The following CCBE1 variants were observed in gnomAD, a reference collection of about 807,000 sequenced individuals.
The protein encoded by CCBE1 is collagen and calcium-binding EGF domain-containing protein 1.
A neutral mutation model predicts 50.0 loss-of-function variants in CCBE1; 37 were observed. The ratio of observed to expected loss-of-function variants is 0.74; its 90% CI spans 0.57 to 0.97. CCBE1 has a LOEUF of 0.97. CCBE1 is among the 50% of genes least tolerant of loss of function. The pLI, the probability that CCBE1 is intolerant of heterozygous loss-of-function variation, is 0.00. For missense variants in CCBE1, 538 were observed against 523.8 expected (o/e 1.03, Z -0.26); for synonymous variants, 234 against 203.7 (o/e 1.15, Z -1.27).
intron 5 of CCBE1, chr18:59,465,819 T>G (rs1911715276): frequency 6.6e-6 from 1 of 152,170 alleles, no homozygotes; most frequent in African/African-American, 2.4e-5. Context: ...AACACAGCGT[T>G]TCTGACCTCT....
intron 2 of CCBE1, among the ~76,000 whole-genome samples, chr18:59,554,208 A>C (rs1193869929): frequency 1.3e-5 from 2 of 152,084 alleles, no homozygotes; most frequent in Admixed American, 1.3e-4. Flanking sequence ...ACTTGTCTTG[A>C]ACTCAAGCGA....
At chr18:59,440,525 T>C (rs1320224702) in intron 7 of CCBE1, among the ~76,000 whole-genome samples, 1 of 152,160 alleles carries the variant, frequency 6.6e-6, no homozygotes, top group Admixed American at 6.5e-5. Flanking sequence ...GATATTTCTA[T>C]AGGGATGACA....
intron 2 of CCBE1, among the ~76,000 whole-genome samples, chr18:59,690,729 T>C (rs2054718771): frequency 1.3e-5 from 2 of 152,218 alleles, no homozygotes; most frequent in Non-Finnish European, 2.9e-5. Flanking sequence ...AATTACTCCG[T>C]ATTGTTTCTC....
Position 59,697,319 on chromosome 18 carries a change from C to G in CCBE1, c.24G>C (p.Arg8=). Reference sequence around the variant, plus strand: ...CCAGCTGGCCCCTGGCAGCTCCTCCCCGGCTCGGAGGCGGCGGCACCATCA... The same window carrying G: ...CCAGCTGGCCCCTGGCAGCTCCTCCGCGGCTCGGAGGCGGCGGCACCATCA... MVPPPPS[R]GGAARGQLGR... is the part of the protein sequence containing the mutation. Residue 8 remains arginine, a synonymous_variant, in exon 1 of 11, where the codon CGG becomes CGC. Transcript: ENST00000439986. 6.5e-7 allele frequency: 1 copy of G among 1,548,654 alleles called. No homozygotes were observed. The highest frequency in any genetic ancestry group is 8.7e-7 in the Non-Finnish European group (1 of 1,146,890).
At chr18:59,541,705 G>T (rs771207658) in intron 2 of CCBE1, among the ~76,000 whole-genome samples, 6 of 152,152 alleles carry the variant, frequency 3.9e-5, no homozygotes, top group Admixed American at 1.3e-4. Context: ...GGCCATTGGA[G>T]GAAGAGTTGA....
At chr18:59,516,826 TC>T (rs1337545663) in intron 2 of CCBE1, among the ~76,000 whole-genome samples, 5 of 152,152 alleles carry the variant, frequency 3.3e-5, no homozygotes, top group African/African-American at 7.2e-5. Context: ...CAGGTGAGTG[TC>T]TGCAAGCTGT....
intron 2 of CCBE1, among the ~76,000 whole-genome samples, chr18:59,564,839 T>C (rs1215841788): frequency 6.6e-6 from 1 of 152,202 alleles, no homozygotes; most frequent in Non-Finnish European, 1.5e-5. Context: ...CTGGCCTTGG[T>C]CCATGGTGGT....
At chr18:59,494,917 G>A (rs1913276856) in intron 2 of CCBE1, among the ~76,000 whole-genome samples, 1 of 152,186 alleles carries the variant, frequency 6.6e-6, no homozygotes, top group South Asian at 2.1e-4. Flanking sequence ...ACTTTGGGAG[G>A]CCAAGGCAGG....
At chr18:59,496,673 A>G (rs905116778) in intron 2 of CCBE1, among the ~76,000 whole-genome samples, 1 of 152,208 alleles carries the variant, frequency 6.6e-6, no homozygotes, top group Non-Finnish European at 1.5e-5. Flanking sequence ...GTTTGTGATG[A>G]AGAACTCGGA....
intron 2 of CCBE1, among the ~76,000 whole-genome samples, chr18:59,482,748 G>A (rs17780227): frequency 0.063 from 9,492 of 151,834 alleles, 820 homozygotes; most frequent in East Asian, 0.33. Flanking sequence ...TCTCCTGCTC[G>A]CATTACTTTC....
chr18:59,614,075 G>A (rs1160077381), intron 2 of CCBE1, among the ~76,000 whole-genome samples: 1 of 152,064 alleles, frequency 6.6e-6, no homozygotes, highest in East Asian at 1.9e-4. Context: ...GTGCGATCTC[G>A]TCTAACTGCA....
intron 2 of CCBE1, among the ~76,000 whole-genome samples, chr18:59,551,236 A>G (rs978925372): frequency 4.6e-5 from 7 of 152,116 alleles, no homozygotes; most frequent in Admixed American, 3.9e-4. Flanking sequence ...ACAACACGTG[A>G]TAATAAATAC....
chr18:59,632,083 G>A (rs1315634776), intron 2 of CCBE1, among the ~76,000 whole-genome samples: 2 of 152,146 alleles, frequency 1.3e-5, no homozygotes, highest in Non-Finnish European at 2.9e-5. Context: ...AAATAACTAA[G>A]CATTGAATTT....
chr18:59,664,443 G>A (rs924791190), intron 2 of CCBE1, among the ~76,000 whole-genome samples: 3 of 152,100 alleles, frequency 2.0e-5, no homozygotes, highest in African/African-American at 7.2e-5. Flanking sequence ...GGGAGAGAAG[G>A]GGCATAAACA....
chr18:59,573,284 A>ATATATATATATATAT (rs2052943061), intron 2 of CCBE1, among the ~76,000 whole-genome samples: 6 of 93,724 alleles, frequency 6.4e-5, no homozygotes, highest in African/African-American at 2.6e-4. Flanking sequence ...GACTCCGTCT[A>ATATATATATATATAT]ATATATATAT....
At chr18:59,626,699 G>T (rs1359874242) in intron 2 of CCBE1, among the ~76,000 whole-genome samples, 5 of 152,248 alleles carry the variant, frequency 3.3e-5, no homozygotes, top group African/African-American at 1.2e-4. Flanking sequence ...GGCCAAGACT[G>T]GCCTTGTGGC....
At chr18:59,491,145 A>G (rs1281207102) in intron 2 of CCBE1, among the ~76,000 whole-genome samples, 1 of 152,212 alleles carries the variant, frequency 6.6e-6, no homozygotes, top group Non-Finnish European at 1.5e-5. Flanking sequence ...CTACAATGGC[A>G]TTTATCAAGC....
chr18:59,620,708 C>G (rs963013538), intron 2 of CCBE1, among the ~76,000 whole-genome samples: 2 of 152,186 alleles, frequency 1.3e-5, no homozygotes, highest in African/African-American at 4.8e-5. Context: ...TGCACAAGCT[C>G]TCCTGCCTGA....
chr18:59,630,408 T>C (rs2053836121), intron 2 of CCBE1, among the ~76,000 whole-genome samples: 1 of 152,228 alleles, frequency 6.6e-6, no homozygotes. Flanking sequence ...GCACTGGCAA[T>C]TTGCTCTAAA....
Sources: gnomAD v4.1 joint callset for allele counts (sites outside exome capture counted in the v4.1 genomes callset) on GRCh38, gnomAD v4.1.1 for gene constraint, MANE v1.5 for transcripts, NCBI Gene and HGNC (gene_info 2026-07-23, HGNC 2026-07-21) for gene names.